Variants in UNC79 observed in about 807,000 individuals in gnomAD.
UNC79 encodes protein unc-79 homolog.
In UNC79, 37 loss-of-function variants were observed where a neutral mutation model predicts 283.1. The observed-to-expected ratio is 0.13, with a 90% CI of 0.10 to 0.17. The LOEUF is 0.17. Among genes scored for constraint, UNC79 ranks in the 10% least tolerant of loss-of-function variants. UNC79 has a pLI of 1.00. For missense variants in UNC79, 2,272 were observed against 3,211.1 expected, an observed-to-expected ratio of 0.71 and a Z score of 7.07; for synonymous variants, 1,107 against 1,200.2, an observed-to-expected ratio of 0.92 and a Z score of 1.61.
intron 14 of UNC79, among the ~76,000 whole-genome samples, chr14:93,553,842 C>T: frequency 6.6e-6 from 1 of 152,198 alleles, no homozygotes; most frequent in Non-Finnish European, 1.5e-5. Context: ...AGAGGACCTA[C>T]TACACAAAAT....
At chr14:93,640,178 T>C (rs2068892886) in intron 32 of UNC79, among the ~76,000 whole-genome samples, 1 of 152,198 alleles carries the variant, frequency 6.6e-6, no homozygotes, top group Non-Finnish European at 1.5e-5. Flanking sequence ...GATTTACTCA[T>C]CCCTGGACCA....
chr14:93,377,731 T>A (rs1323677741), intron 1 of UNC79, among the ~76,000 whole-genome samples: 1 of 152,124 alleles, frequency 6.6e-6, no homozygotes, highest in East Asian at 1.9e-4. Context: ...TGGAAAGGGG[T>A]AATCTACTCA....
chr14:93,664,672 G>C (rs1335738804), intron 40 of UNC79, among the ~76,000 whole-genome samples: 1 of 152,132 alleles, frequency 6.6e-6, no homozygotes, highest in African/African-American at 2.4e-5. Flanking sequence ...AAGATTTATA[G>C]TCTCCCTTGA....
intron 1 of UNC79, among the ~76,000 whole-genome samples, chr14:93,407,377 A>C (rs1432114801): frequency 2.0e-5 from 3 of 152,170 alleles, no homozygotes; most frequent in Non-Finnish European, 2.9e-5. Flanking sequence ...AATAATTGAC[A>C]CATTGCTGGA....
At chr14:93,524,178 T>C (rs2140991184) in intron 8 of UNC79, 136 bp downstream of exon 8, 1 of 977,368 alleles carries the variant, frequency 1.0e-6, no homozygotes, top group East Asian at 2.5e-5. Context: ...CCATATTCAA[T>C]CTGATTGTAC....
chr14:93,545,583 A>G (rs935170897), intron 14 of UNC79, among the ~76,000 whole-genome samples: 1 of 152,226 alleles, frequency 6.6e-6, no homozygotes, highest in Non-Finnish European at 1.5e-5. Flanking sequence ...TAATGCAGGT[A>G]TCGAATCTGT....
intron 1 of UNC79, among the ~76,000 whole-genome samples, chr14:93,409,966 G>A (rs1950900): frequency 0.7 from 107,035 of 152,058 alleles, 38,136 homozygotes; most frequent in Middle Eastern, 0.78. Context: ...ACAACTATTT[G>A]TCCACAAAAA....
chr14:93,665,687 AC>A (rs2072119822), intron 40 of UNC79, among the ~76,000 whole-genome samples: 1 of 151,978 alleles, frequency 6.6e-6, no homozygotes, highest in Non-Finnish European at 1.5e-5. Context: ...ACACTTCTCA[AC>A]AGCACAATAG....
intron 1 of UNC79, among the ~76,000 whole-genome samples, chr14:93,378,186 C>T (rs1019816971): frequency 1.3e-5 from 2 of 152,178 alleles, no homozygotes; most frequent in African/African-American, 4.8e-5. Flanking sequence ...TTTTGTCCTC[C>T]TTACCACAGC....
chr14:93,634,445 T>G, intron 31 of UNC79, 76 bp from the exon 34 acceptor site: 2 of 1,070,914 alleles, frequency 1.9e-6, no homozygotes, highest in Non-Finnish European at 2.8e-6. Flanking sequence ...CAATTAAAAT[T>G]CTATATGGAT....
rs2060800359 is a variant in UNC79, at chr14:93,531,055, A to G, written c.1094-1495A>G. Among the ~76,000 whole-genome samples, 1 of 152,268 alleles carries G rather than the reference A, an allele frequency of 6.6e-6. No homozygotes were observed. The highest frequency in any genetic ancestry group is 2.1e-4 in the South Asian group (1 of 4,834). The stretch of plus-strand genomic sequence containing the variant: ...CATCCAGTGCTCTGAGGTAAAAGCC[A>G]TAGTCAAGTTATAAAATATAAGTTA... On this transcript the variant is annotated intron_variant, in intron 10 of 48. Coordinates refer to ENST00000555664, the Ensembl canonical transcript of UNC79. The surrounding 1 kb of genome is among the most constrained non-coding windows in gnomAD (Gnocchi z 4.2).
chr14:93,333,362 G>A, exon 1 of UNC79: 2 of 398,436 alleles, frequency 5.0e-6, no homozygotes, highest in Non-Finnish European at 4.4e-6. Flanking sequence ...GTCACCAGAT[G>A]GCCATTTCCA....
intron 40 of UNC79, among the ~76,000 whole-genome samples, chr14:93,668,699 G>A (rs570393241): frequency 1.8e-4 from 28 of 151,688 alleles, no homozygotes; most frequent in Non-Finnish European, 2.9e-4. Context: ...CAAAAATTTC[G>A]CTGGGCATAA....
intron 23 of UNC79, among the ~76,000 whole-genome samples, chr14:93,594,094 G>A (rs76721047): frequency 0.037 from 5,620 of 152,194 alleles, 345 homozygotes; most frequent in African/African-American, 0.13. Context: ...CAAGTGTAGC[G>A]ATTAACTGCA....
intron 1 of UNC79, among the ~76,000 whole-genome samples, chr14:93,392,921 A>T (rs958461104): frequency 2.6e-5 from 4 of 152,212 alleles, no homozygotes; most frequent in Admixed American, 6.5e-5. Context: ...ATAGTATGGA[A>T]CATTAGTAAA....
intron 35 of UNC79, among the ~76,000 whole-genome samples, chr14:93,649,424 T>C (rs2069994906): frequency 6.6e-6 from 1 of 152,232 alleles, no homozygotes; most frequent in African/African-American, 2.4e-5. Context: ...TTCTTTATCA[T>C]GCATCCAACC....
intron 1 of UNC79, among the ~76,000 whole-genome samples, chr14:93,368,756 G>A (rs895432146): frequency 7.2e-5 from 11 of 152,172 alleles, no homozygotes; most frequent in African/African-American, 2.7e-4. Context: ...ACAGGCATGA[G>A]CCACTGTGCC....
chr14:93,703,600 T>C (rs1290538602), intron 47 of UNC79, among the ~76,000 whole-genome samples: 1 of 152,154 alleles, frequency 6.6e-6, no homozygotes, highest in Non-Finnish European at 1.5e-5. Flanking sequence ...CCAAATAAGG[T>C]CACATTGTGA....
At chr14:93,385,829 T>G (rs189338389) in intron 1 of UNC79, among the ~76,000 whole-genome samples, 23 of 152,242 alleles carry the variant, frequency 1.5e-4, no homozygotes, top group Admixed American at 1.4e-3. Context: ...TTTTGTATGC[T>G]GCAGCTTTAC....
Sources: allele counts gnomAD v4.1 joint callset (sites outside exome capture counted in the v4.1 genomes callset), GRCh38; gene constraint gnomAD v4.1.1; non-coding constraint Gnocchi (gnomAD v3.1); transcripts MANE v1.5; gene names NCBI Gene and HGNC (gene_info 2026-07-23, HGNC 2026-07-21).